SEMA3E: variants seen among roughly 807,000 people sequenced by gnomAD.
The protein encoded by SEMA3E is semaphorin 3E, also known as semaphorin-3E.
Under a neutral mutation model 93.6 loss-of-function variants are expected in SEMA3E, and 49 were observed. The ratio of observed to expected loss-of-function variants is 0.52; its 90% CI spans 0.42 to 0.66. The LOEUF (loss-of-function observed/expected upper bound fraction) is 0.66, where lower values mean the gene tolerates loss of function less well. Among genes scored for constraint, SEMA3E ranks in the 30% least tolerant of loss-of-function variants. SEMA3E has a pLI of 0.00. For synonymous variants in SEMA3E, 363 were observed against 330.7 expected (o/e 1.10, Z -1.06); for missense variants, 906 against 964.8 (o/e 0.94, Z 0.81).
intron 1 of SEMA3E, among the ~76,000 whole-genome samples, chr7:83,637,435 C>T (rs1437022639): frequency 6.6e-6 from 1 of 152,090 alleles, no homozygotes; most frequent in Non-Finnish European, 1.5e-5. Context: ...ATTATAGGCT[C>T]TTTTAATTCT....
At chr7:83,610,933 C>T (rs929700761) in intron 1 of SEMA3E, among the ~76,000 whole-genome samples, 2 of 152,042 alleles carry the variant, frequency 1.3e-5, no homozygotes, top group Non-Finnish European at 2.9e-5. Context: ...AACTGATAAA[C>T]ACCTTCTCTC....
At position 83,392,663 on chromosome 7, in the gene SEMA3E, T is replaced by C. The variant is rs1305813257; in HGVS notation, c.1559A>G (p.Asp520Gly). The C allele has an allele frequency of 8.7e-6, 14 of 1,613,844 alleles. No homozygotes were observed. Among genetic ancestry groups the C allele is most frequent in the Non-Finnish European group, 1.1e-5 (13 of 1,179,860 alleles). ...AVAQVRFHHC[D>G]MYGSACADCC... ...GTCAGCACAAGCACTTCCATACATG[T>C]CACAGTGATGGAATCTGACTTGAGC... The change falls in exon 14 of 17, where the codon GAC becomes GGC. Residue 520 changes from aspartate to glycine, a missense_variant. By Grantham distance (94) the Asp-to-Gly change is moderately conservative (BLOSUM62 -1). Transcript: ENST00000643230.
chr7:83,538,013 T>G (rs1299358181), intron 1 of SEMA3E, among the ~76,000 whole-genome samples: 1 of 152,162 alleles, frequency 6.6e-6, no homozygotes. Context: ...TTACTTGGCA[T>G]GTTTTCAAGG....
intron 16 of SEMA3E, chr7:83,371,398 CAT>C (rs1414889267): frequency 6.6e-6 from 1 of 152,168 alleles, no homozygotes; most frequent in African/African-American, 2.4e-5. Context: ...TATACATACA[CAT>C]ATGTGGCAAT....
At chr7:83,586,992 G>T (rs772529549) in intron 1 of SEMA3E, among the ~76,000 whole-genome samples, 1 of 152,050 alleles carries the variant, frequency 6.6e-6, no homozygotes, top group Non-Finnish European at 1.5e-5. Flanking sequence ...TACATTGAAG[G>T]CTGTAAAATA....
chr7:83,520,004 A>G (rs959385643), intron 1 of SEMA3E, among the ~76,000 whole-genome samples: 1 of 152,152 alleles, frequency 6.6e-6, no homozygotes, highest in African/African-American at 2.4e-5. Flanking sequence ...GATGCCCTAT[A>G]AATATATGAA....
chr7:83,365,220 G>GCTTTCTCTCTCCCTTCGT lies in SEMA3E; in HGVS notation c.*2348_*2365dup, dbSNP rs1160157040. 6.6e-6 allele frequency: 1 copy of GCTTTCTCTCTCCCTTCGT among 151,938 alleles called. No homozygotes were observed. Among genetic ancestry groups the GCTTTCTCTCTCCCTTCGT allele is most frequent in the Non-Finnish European group, 1.5e-5 (1 of 67,972 alleles). 9.4% of individuals were successfully genotyped at this position (151,938 alleles called of 1,614,324 possible). On this transcript the variant is annotated 3_prime_UTR_variant, in exon 17 of 17. Transcript: ENST00000643230. ...GACATGAAACATATCCTTGGAAACTGCTTTCTCTCTCCCTTCGTCTTTCTC... is the reference window on the plus strand; with the variant it reads ...GACATGAAACATATCCTTGGAAACTGCTTTCTCTCTCCCTTCGTCTTTCTCTCTCCCTTCGTCTTTCTC...
chr7:83,367,422 C>T lies in SEMA3E; in HGVS notation c.*164G>A. On this transcript the variant is annotated 3_prime_UTR_variant, in exon 17 of 17. Transcript: ENST00000643230. ...TAGTTAATTTTATGTAAAGTTTATCCAGTCAAATGAGTATGTAGAATAATT... is the reference window on the plus strand; with the variant it reads ...TAGTTAATTTTATGTAAAGTTTATCTAGTCAAATGAGTATGTAGAATAATT... 4.4e-6 allele frequency: 3 copies of T among 686,260 alleles called. No individual in the cohort carries two copies. The highest frequency in any genetic ancestry group is 2.7e-5 in the East Asian group (1 of 37,182). 42.5% of individuals were successfully genotyped at this position (686,260 alleles called of 1,614,324 possible).
intron 1 of SEMA3E, among the ~76,000 whole-genome samples, chr7:83,632,621 T>C (rs1334141771): frequency 6.6e-6 from 1 of 152,190 alleles, no homozygotes; most frequent in African/African-American, 2.4e-5. Context: ...GAACTGTAAG[T>C]ACATTATAAA....
intron 9 of SEMA3E, among the ~76,000 whole-genome samples, chr7:83,403,987 C>T (rs2722980): frequency 0.88 from 133,299 of 151,914 alleles, 61,116 homozygotes; most frequent in East Asian, 1. Flanking sequence ...AGATCCATTA[C>T]GCTATCATTT....
chr7:83,427,355 G>A lies in SEMA3E; in HGVS notation c.457-8872C>T, dbSNP rs1584241652. Among the ~76,000 whole-genome samples the A allele has an allele frequency of 3.9e-5, 6 of 152,148 alleles. No individual in the cohort carries two copies. The South Asian group carries it at 1.2e-3, about 32-fold the overall frequency. On this transcript the variant is annotated intron_variant, in intron 4 of 16. Coordinates refer to ENST00000643230, the MANE Select transcript of SEMA3E (RefSeq NM_012431.3). ...TGATCTTTTGTTCCATGGTTTTAGA[G>A]CTGAGGCTTTCTTTCCCTTGTGAAG...
intron 1 of SEMA3E, among the ~76,000 whole-genome samples, chr7:83,561,370 C>G (rs960474091): frequency 2.6e-5 from 4 of 152,032 alleles, no homozygotes; most frequent in African/African-American, 7.2e-5. Context: ...CTCCTGATTG[C>G]CTTAGAAATC....
Position 83,584,148 on chromosome 7 carries a change from A to G in SEMA3E, c.115+64280T>C, listed in dbSNP as rs538926619. Among the ~76,000 whole-genome samples, 30 of 152,324 alleles carry G rather than the reference A, an allele frequency of 2.0e-4. 1 individual carries two copies. The South Asian group carries it at 3.5e-3, about 18-fold the overall frequency. ...GGGATTACAATCAAAGAAAATTACT[A>G]TATATTAACCATAAAAAACAATGTT... On this transcript the variant is annotated intron_variant, in intron 1 of 16. Coordinates refer to ENST00000643230, the MANE Select transcript of SEMA3E (RefSeq NM_012431.3).
chr7:83,418,282 G>T, intron 5 of SEMA3E, 108 bp downstream of exon 5: 1 of 823,882 alleles, frequency 1.2e-6, no homozygotes, highest in Non-Finnish European at 2.0e-6. Flanking sequence ...AAATAGATAT[G>T]ACAAGGCATA....
chr7:83,586,320 A>C (rs2115928528), intron 1 of SEMA3E, among the ~76,000 whole-genome samples: 1 of 152,264 alleles, frequency 6.6e-6, no homozygotes, highest in South Asian at 2.1e-4. Context: ...CCCATGTCAT[A>C]ATCTTGCTGA....
At position 83,418,577 on chromosome 7, in the gene SEMA3E, A is replaced by G. The variant is rs1788606165; in HGVS notation, c.457-94T>C. On this transcript the variant is annotated intron_variant, in intron 4 of 16. Coordinates refer to ENST00000643230, the MANE Select transcript of SEMA3E (RefSeq NM_012431.3). ...AACATATGAAACTTCGATTATTTAT[A>G]AAGCATGTATTCTAAATAGAGCACC... 4.5e-6 allele frequency: 4 copies of G among 880,464 alleles called. No homozygotes were observed. In the South Asian group the frequency reaches 5.7e-5, roughly 13 times the overall value. 54.5% of individuals were successfully genotyped at this position (880,464 alleles called of 1,614,324 possible).
intron 4 of SEMA3E, among the ~76,000 whole-genome samples, chr7:83,429,005 G>A (rs1186903923): frequency 6.6e-6 from 1 of 152,056 alleles, no homozygotes; most frequent in Non-Finnish European, 1.5e-5. Flanking sequence ...AGTTGGAGAG[G>A]AGTATATGTG....
chr7:83,508,634 C>G (rs1790751631), intron 1 of SEMA3E, among the ~76,000 whole-genome samples: 3 of 152,108 alleles, frequency 2.0e-5, no homozygotes, highest in African/African-American at 7.2e-5. Flanking sequence ...ATTATATTTG[C>G]AATATTTATA....
chr7:83,374,966 T>C (rs1794801031), intron 16 of SEMA3E, among the ~76,000 whole-genome samples: 1 of 151,808 alleles, frequency 6.6e-6, no homozygotes, highest in South Asian at 2.1e-4. Context: ...AAGCAAAAAA[T>C]AAAAACCAAA....
Sources: allele counts gnomAD v4.1 joint callset (sites outside exome capture counted in the v4.1 genomes callset), GRCh38; gene constraint gnomAD v4.1.1; transcripts MANE v1.5; gene names NCBI Gene and HGNC (gene_info 2026-07-23, HGNC 2026-07-21).